PLCH1: variants seen among roughly 807,000 people sequenced by gnomAD.
The protein encoded by PLCH1 is 1-phosphatidylinositol 4,5-bisphosphate phosphodiesterase eta-1.
Under a neutral mutation model 126.7 loss-of-function variants are expected in PLCH1, and 60 were observed. That is an observed-to-expected ratio of 0.47 (90% CI 0.38 to 0.59). The LOEUF is 0.59. PLCH1 is among the 20% of genes least tolerant of loss of function. PLCH1 has a pLI of 0.00. For synonymous variants in PLCH1, 719 were observed against 734.9 expected, an observed-to-expected ratio of 0.98 and a Z score of 0.35; for missense variants, 1,723 against 2,040.0, an observed-to-expected ratio of 0.84 and a Z score of 2.99.
At chr3:155,570,557 T>C (rs1729067898) in intron 6 of PLCH1, among the ~76,000 whole-genome samples, 1 of 152,228 alleles carries the variant, frequency 6.6e-6, no homozygotes, top group South Asian at 2.1e-4. Context: ...ATGCTGTCAA[T>C]GTGCAGTAAA....
intron 10 of PLCH1, among the ~76,000 whole-genome samples, chr3:155,548,145 G>C (rs527685427): frequency 6.6e-6 from 1 of 152,260 alleles, no homozygotes; most frequent in South Asian, 2.1e-4. Context: ...ACATATGTGT[G>C]TAACAGTTGT....
At chr3:155,563,946 T>G (rs1036232245) in intron 8 of PLCH1, among the ~76,000 whole-genome samples, 1 of 152,036 alleles carries the variant, frequency 6.6e-6, no homozygotes, top group Non-Finnish European at 1.5e-5. Flanking sequence ...TGTCTCTCTC[T>G]CTCTCTCACA....
At chr3:155,583,817 A>G (rs1253168507) in intron 5 of PLCH1, among the ~76,000 whole-genome samples, 175 bp from the exon 6 acceptor site, 5 of 152,094 alleles carry the variant, frequency 3.3e-5, no homozygotes, top group Non-Finnish European at 1.5e-5. Context: ...AAGCAACCAC[A>G]TATTTGGCCA....
chr3:155,724,064 T>C (rs2109146396), intron 1 of PLCH1, among the ~76,000 whole-genome samples: 1 of 152,308 alleles, frequency 6.6e-6, no homozygotes, highest in Non-Finnish European at 1.5e-5. Flanking sequence ...AGGCTTGCTT[T>C]TGGAGTGGAT....
chr3:155,633,648 C>T (rs1019912177), intron 2 of PLCH1, among the ~76,000 whole-genome samples: 4 of 152,110 alleles, frequency 2.6e-5, no homozygotes, highest in Non-Finnish European at 2.9e-5. Context: ...GGGCCAGGTG[C>T]GCTGGCCCAC....
Position 155,457,838 on chromosome 3 carries a change from T to A in PLCH1, c.2938+27518A>T, listed in dbSNP as rs558798529. ...GATCTGCTTGGCCCCACCAATACCATCACCCCCATCAATGTCACCCTTGCT... is the reference window on the plus strand; with the variant it reads ...GATCTGCTTGGCCCCACCAATACCAACACCCCCATCAATGTCACCCTTGCT... On this transcript the variant is annotated intron_variant, in intron 21 of 21. Coordinates refer to the PLCH1 transcript ENST00000494598. 3 of 152,276 alleles carry A rather than the reference T, an allele frequency of 2.0e-5. No individual in the cohort carries two copies. The South Asian group carries it at 6.2e-4, about 32-fold the overall frequency. The allele number at this position is 152,276 out of a possible 1,614,324, so 9.4% of individuals were successfully genotyped here. A position where few individuals can be genotyped will look rare whatever the true frequency, so the allele number is the denominator to read the frequency against.
intron 6 of PLCH1, among the ~76,000 whole-genome samples, chr3:155,571,060 A>G (rs1729155647): frequency 6.6e-6 from 1 of 152,184 alleles, no homozygotes; most frequent in Non-Finnish European, 1.5e-5. Context: ...TCATAGATCT[A>G]TAAAATACCC....
chr3:155,711,498 G>A (rs1057163572), intron 1 of PLCH1, among the ~76,000 whole-genome samples: 70 of 151,550 alleles, frequency 4.6e-4, no homozygotes, highest in African/African-American at 1.6e-3. Flanking sequence ...TTTAAAACTC[G>A]ACAATGAAAA....
chr3:155,575,468 G>C (rs1264383689), intron 6 of PLCH1, among the ~76,000 whole-genome samples: 1 of 152,110 alleles, frequency 6.6e-6, no homozygotes, highest in Non-Finnish European at 1.5e-5. Flanking sequence ...CTACTACACG[G>C]GTAATGTATA....
At position 155,523,829 on chromosome 3, in the gene PLCH1, A is replaced by G. The variant is rs937259982; in HGVS notation, c.1470+68T>C. ...ATAATTGTGAGGCCTCCAACACAGT[A>G]GCAACTTGGAACTCCATTTTAATAC... On this transcript the variant is annotated intron_variant, in intron 11 of 22. Coordinates refer to ENST00000460012, the MANE Select transcript of PLCH1 (RefSeq NM_014996.4). The G allele has an allele frequency of 1.3e-5, 11 of 869,358 alleles. No individual in the cohort carries two copies. In the Admixed American group the frequency reaches 1.6e-4, roughly 13 times the overall value. 53.9% of individuals were successfully genotyped at this position (869,358 alleles called of 1,614,324 possible).
chr3:155,708,226 C>G (rs1746830897), intron 1 of PLCH1, among the ~76,000 whole-genome samples: 1 of 152,300 alleles, frequency 6.6e-6, no homozygotes, highest in Non-Finnish European at 1.5e-5. Flanking sequence ...TGAAAAGATG[C>G]TCTCCCTTCG....
intron 6 of PLCH1, among the ~76,000 whole-genome samples, chr3:155,569,383 G>A (rs1728919391): frequency 6.6e-6 from 1 of 152,066 alleles, no homozygotes; most frequent in African/African-American, 2.4e-5. Flanking sequence ...TTTCTAAACA[G>A]TCTATTTAAA....
At chr3:155,571,095 C>T (rs1232148249) in intron 6 of PLCH1, among the ~76,000 whole-genome samples, 1 of 152,054 alleles carries the variant, frequency 6.6e-6, no homozygotes, top group Admixed American at 6.6e-5. Flanking sequence ...CCTATTTATC[C>T]TCAGACTTCC....
At position 155,544,470 on chromosome 3, in the gene PLCH1, C is replaced by T. The variant is rs1029721140; in HGVS notation, c.1362+5317G>A. ...TTAACACCCCACTGTCAACATTAGACAGATCAACGAGACAGAAAGTTAACA... is the reference window on the plus strand; with the variant it reads ...TTAACACCCCACTGTCAACATTAGATAGATCAACGAGACAGAAAGTTAACA... On this transcript the variant is annotated intron_variant, in intron 10 of 22. Transcript: ENST00000460012. Among the ~76,000 whole-genome samples, 12 of 152,190 alleles carry T rather than the reference C, an allele frequency of 7.9e-5. 1 individual carries two copies. The highest frequency in any genetic ancestry group is 2.9e-4 in the African/African-American group (12 of 41,448).
intron 1 of PLCH1, among the ~76,000 whole-genome samples, chr3:155,737,447 T>G (rs1749284295): frequency 6.6e-6 from 1 of 151,548 alleles, no homozygotes; most frequent in East Asian, 2.0e-4. Flanking sequence ...TCCTCCCACC[T>G]CGGCCTCCCA....
chr3:155,676,261 A>G lies in PLCH1; in HGVS notation c.79+27885T>C, dbSNP rs1744076814. On this transcript the variant is annotated intron_variant, in intron 2 of 22. Coordinates refer to ENST00000460012, the MANE Select transcript of PLCH1 (RefSeq NM_014996.4). ...GAAAATAAATCCATGAGATATGATT[A>G]TAGAACTTTGTCCCAAAGTGAAAAG... 3 of 1,204,128 alleles carry G rather than the reference A, an allele frequency of 2.5e-6. No individual in the cohort carries two copies. The African/African-American group carries it at 4.7e-5, about 19-fold the overall frequency. 74.6% of individuals were successfully genotyped at this position (1,204,128 alleles called of 1,614,324 possible).
At position 155,602,991 on chromosome 3, in the gene PLCH1, G is replaced by C. The variant is rs188192667; in HGVS notation, c.80-6613C>G. Among the ~76,000 whole-genome samples, 123 of 143,290 alleles carry C rather than the reference G, an allele frequency of 8.6e-4. 1 individual carries two copies. Among genetic ancestry groups the C allele is most frequent in the South Asian group, 1.6e-3 (7 of 4,488 alleles). The allele number at this position is 143,290 out of a possible 152,430, so 94.0% of individuals were successfully genotyped here. On this transcript the variant is annotated intron_variant, in intron 2 of 22. Transcript: ENST00000460012. ...ACACTTGGTGCTCTGATCACTCTTTGCTACAAAAGAACCTTGAGACAGATT... is the reference window on the plus strand; with the variant it reads ...ACACTTGGTGCTCTGATCACTCTTTCCTACAAAAGAACCTTGAGACAGATT...
intron 1 of PLCH1, among the ~76,000 whole-genome samples, chr3:155,719,206 C>T (rs1747755850): frequency 6.6e-6 from 1 of 152,144 alleles, no homozygotes; most frequent in South Asian, 2.1e-4. Context: ...TCCATAGTAT[C>T]ATTCTTATGC....
At chr3:155,734,922 G>T (rs1749056517) in intron 1 of PLCH1, among the ~76,000 whole-genome samples, 1 of 152,022 alleles carries the variant, frequency 6.6e-6, no homozygotes. Context: ...TATTAGCCAG[G>T]ATGGTCTCGA....
Sources: allele counts gnomAD v4.1 joint callset (sites outside exome capture counted in the v4.1 genomes callset), GRCh38; gene constraint gnomAD v4.1.1; transcripts MANE v1.5; gene names NCBI Gene and HGNC (gene_info 2026-07-23, HGNC 2026-07-21).